IMMP2L: variants seen among roughly 807,000 people sequenced by gnomAD.
The protein encoded by IMMP2L is mitochondrial inner membrane protease subunit 2.
A neutral mutation model predicts 19.3 loss-of-function variants in IMMP2L; 18 were observed. The ratio of observed to expected loss-of-function variants is 0.93; its 90% confidence interval spans 0.64 to 1.38. The LOEUF (loss-of-function observed/expected upper bound fraction) is 1.38. Among genes scored for constraint, IMMP2L ranks in the 40% most tolerant of loss-of-function variants. The probability of loss-of-function intolerance (pLI) is 0.00; values close to 1 mark genes in which losing one functional copy is unlikely to be tolerated. For synonymous variants in IMMP2L, 76 were observed against 73.0 expected (o/e 1.04, Z -0.21); for missense variants, 233 against 218.2 (o/e 1.07, Z -0.43).
intron 2 of IMMP2L, among the ~76,000 whole-genome samples, chr7:111,496,287 G>A (rs1270656428): frequency 6.6e-6 from 1 of 152,126 alleles, no homozygotes; most frequent in Non-Finnish European, 1.5e-5. Context: ...AGACTATAAT[G>A]TACCCAGGTC....
intron 3 of IMMP2L, among the ~76,000 whole-genome samples, chr7:111,363,020 G>A (rs924598097): frequency 9.2e-5 from 14 of 152,162 alleles, no homozygotes; most frequent in Middle Eastern, 3.4e-3. Context: ...ATACAAATTT[G>A]AAGACCTCAA....
chr7:111,121,330 T>C (rs1374023441), intron 3 of IMMP2L, among the ~76,000 whole-genome samples: 3 of 152,350 alleles, frequency 2.0e-5, no homozygotes, highest in South Asian at 4.1e-4. Flanking sequence ...GATGGTAGTT[T>C]CTTTTGCTGT....
intron 3 of IMMP2L, among the ~76,000 whole-genome samples, chr7:111,153,492 C>T (rs1054989356): frequency 3.3e-5 from 5 of 151,956 alleles, no homozygotes; most frequent in African/African-American, 1.2e-4. Flanking sequence ...ACAATATAAA[C>T]TAAACTGGGC....
intron 5 of IMMP2L, among the ~76,000 whole-genome samples, chr7:110,759,311 T>C (rs1725935814): frequency 6.6e-6 from 1 of 152,118 alleles, no homozygotes; most frequent in Non-Finnish European, 1.5e-5. Flanking sequence ...TTCCAGACCA[T>C]GAGCACCTTA....
At chr7:111,262,468 G>A (rs988388757) in intron 3 of IMMP2L, among the ~76,000 whole-genome samples, 4 of 151,980 alleles carry the variant, frequency 2.6e-5, no homozygotes, top group African/African-American at 9.7e-5. Flanking sequence ...TGTATGAGTG[G>A]GAGAAAAGAA....
intron 1 of IMMP2L, among the ~76,000 whole-genome samples, chr7:111,550,829 T>C (rs969669652): frequency 1.1e-4 from 16 of 152,062 alleles, no homozygotes; most frequent in African/African-American, 3.9e-4. Context: ...TGGTCATCAG[T>C]ATACTGAGTC....
chr7:111,468,438 T>C (rs561490335), intron 3 of IMMP2L, among the ~76,000 whole-genome samples: 13 of 152,264 alleles, frequency 8.5e-5, no homozygotes, highest in African/African-American at 3.1e-4. Flanking sequence ...ACTATCCATA[T>C]TGGATGGCTA....
rs10215929 is a variant in IMMP2L, at chr7:111,150,686, T to C, written c.240-187121A>G. 9.7e-3 allele frequency among the ~76,000 whole-genome samples: 1,478 copies of C among 152,350 alleles called. 23 individuals carry two copies. The highest frequency in any genetic ancestry group is 0.033 in the African/African-American group (1,368 of 41,586). On this transcript the variant is annotated intron_variant, in intron 3 of 5. Transcript: ENST00000405709. ...ACGCTCTCGAAGTAAAAACAATTCT[T>C]ATATAAATATGTAAGTGTGTCTACA...
At chr7:110,667,351 G>A (rs1378819439) in intron 5 of IMMP2L, among the ~76,000 whole-genome samples, 1 of 152,074 alleles carries the variant, frequency 6.6e-6, no homozygotes, top group Non-Finnish European at 1.5e-5. Flanking sequence ...ATTTTTTAAA[G>A]ATGTGGTAGG....
chr7:111,354,969 G>A (rs928310603), intron 3 of IMMP2L, among the ~76,000 whole-genome samples: 3 of 151,724 alleles, frequency 2.0e-5, no homozygotes, highest in African/African-American at 7.2e-5. Context: ...AGCTATATAG[G>A]TACTAGAATA....
chr7:111,086,834 C>T (rs530070371), intron 3 of IMMP2L, among the ~76,000 whole-genome samples: 9 of 152,308 alleles, frequency 5.9e-5, no homozygotes, highest in Admixed American at 4.6e-4. Context: ...ATAAAAATTC[C>T]GTCATCAAAC....
Position 111,213,788 on chromosome 7 carries a change from T to G in IMMP2L, c.240-250223A>C, listed in dbSNP as rs1438768509. ...CTCCTATCTAATGAGCGCTGAACATTTGAAGGAATGACCTGCCTGCGGAGA... is the reference window on the plus strand; with the variant it reads ...CTCCTATCTAATGAGCGCTGAACATGTGAAGGAATGACCTGCCTGCGGAGA... On this transcript the variant is annotated intron_variant, in intron 3 of 5. Coordinates refer to ENST00000405709, the MANE Select transcript of IMMP2L (RefSeq NM_032549.4). This position sits in a 1 kb window ranked among gnomAD's most constrained non-coding sequence, Gnocchi z 4.8. 6.6e-6 allele frequency among the ~76,000 whole-genome samples: 1 copy of G among 152,118 alleles called. No homozygotes were observed. The highest frequency in any genetic ancestry group is 2.4e-5 in the African/African-American group (1 of 41,408).
At chr7:111,270,142 C>A (rs1354233929) in intron 3 of IMMP2L, among the ~76,000 whole-genome samples, 2 of 149,188 alleles carry the variant, frequency 1.3e-5, no homozygotes, top group African/African-American at 2.5e-5. Context: ...TTTCCTAGTG[C>A]CTACAATGTA....
chr7:111,352,752 G>C (rs557278839), intron 3 of IMMP2L, among the ~76,000 whole-genome samples: 69 of 152,218 alleles, frequency 4.5e-4, no homozygotes, highest in African/African-American at 1.7e-3. Flanking sequence ...CATTGGACCT[G>C]TAGCACTCTG....
intron 3 of IMMP2L, among the ~76,000 whole-genome samples, chr7:111,152,215 T>C (rs1804157107): frequency 6.6e-6 from 1 of 152,298 alleles, no homozygotes; most frequent in East Asian, 1.9e-4. Context: ...TAATATGTAA[T>C]ATTAATTGCT....
chr7:111,151,509 G>C (rs1252721894), intron 3 of IMMP2L, among the ~76,000 whole-genome samples: 1 of 152,118 alleles, frequency 6.6e-6, no homozygotes, highest in East Asian at 1.9e-4. Flanking sequence ...CTATGGAATT[G>C]AAACTATATT....
chr7:111,497,903 T>C (rs1843744274), intron 2 of IMMP2L, among the ~76,000 whole-genome samples: 2 of 151,580 alleles, frequency 1.3e-5, no homozygotes, highest in South Asian at 2.1e-4. Flanking sequence ...TAGTATTATA[T>C]AATAATATAT....
At chr7:111,237,894 G>A (rs1415748556) in intron 3 of IMMP2L, among the ~76,000 whole-genome samples, 1 of 151,966 alleles carries the variant, frequency 6.6e-6, no homozygotes, top group African/African-American at 2.4e-5. Context: ...TTCCTGATCT[G>A]TAAAATGGTG....
chr7:111,176,582 T>C (rs1333837097), intron 3 of IMMP2L, among the ~76,000 whole-genome samples: 1 of 151,834 alleles, frequency 6.6e-6, no homozygotes, highest in African/African-American at 2.4e-5. Context: ...ACAAATGAAC[T>C]CATGGAGATA....
Sources: gnomAD v4.1 joint callset for allele counts (sites outside exome capture counted in the v4.1 genomes callset) on GRCh38, gnomAD v4.1.1 for gene constraint, Gnocchi (gnomAD v3.1) non-coding constraint, MANE v1.5 for transcripts, NCBI Gene and HGNC (gene_info 2026-07-23, HGNC 2026-07-21) for gene names.